Variants in MCM3 observed in about 807,000 individuals in gnomAD.
MCM3 encodes the protein minichromosome maintenance complex component 3, also known as DNA replication licensing factor MCM3.
In MCM3, 59 loss-of-function variants were observed where a neutral mutation model predicts 91.3. The ratio of observed to expected loss-of-function variants is 0.65; its 90% CI spans 0.52 to 0.80. The LOEUF (loss-of-function observed/expected upper bound fraction) is 0.80. Among genes scored for constraint, MCM3 ranks in the 30% least tolerant of loss-of-function variants. MCM3 has a pLI of 0.00. For synonymous variants in MCM3, 383 were observed against 379.6 expected (o/e 1.01, Z -0.10); for missense variants, 919 against 1,035.4 (o/e 0.89, Z 1.54).
At position 52,273,872 on chromosome 6, in the gene MCM3, G is replaced by A. The variant is rs751042948; in HGVS notation, c.1419C>T (p.Asp473=). 6.8e-6 allele frequency: 11 copies of A among 1,614,114 alleles called. No individual in the cohort carries two copies. In the South Asian group the frequency reaches 1.1e-4, roughly 16 times the overall value. The change falls in exon 10 of 17, where the codon GAC becomes GAT. Residue 473 remains aspartate (D), a synonymous_variant. Transcript: ENST00000596288. ...GCAAGTCAAATCGTGACAGCAGTGAGTCCTGTAGCCCAATGTTCTCCATTG... is the reference window on the plus strand; with the variant it reads ...GCAAGTCAAATCGTGACAGCAGTGAATCCTGTAGCCCAATGTTCTCCATTG... The part of the protein sequence containing the change: ...KTPMENIGLQ[D]SLLSRFDLLF...
chr6:52,269,965 C>G (rs983939760), intron 12 of MCM3, among the ~76,000 whole-genome samples: 1 of 152,092 alleles, frequency 6.6e-6, no homozygotes, highest in African/African-American at 2.4e-5. Context: ...GATAAGAAAG[C>G]TGACCTGACA....
intron 1 of MCM3, 131 bp downstream of exon 1, chr6:52,284,466 C>T (rs1423772733): frequency 6.7e-6 from 5 of 740,822 alleles, no homozygotes; most frequent in Non-Finnish European, 8.5e-6. Context: ...AAGATTGGGG[C>T]TGGAGGCTCG....
chr6:52,266,481 T>C (rs1764650280), intron 15 of MCM3, 130 bp downstream of exon 15: 4 of 823,700 alleles, frequency 4.9e-6, no homozygotes, highest in Non-Finnish European at 8.1e-6. Flanking sequence ...GGGACAAACC[T>C]CTTGGACATA....
In MCM3 at chr6:52,284,685, A is replaced by G; in HGVS notation, c.-11T>C. 1 of 1,605,694 alleles carries G rather than the reference A, an allele frequency of 6.2e-7. No individual in the cohort carries two copies. The highest frequency in any genetic ancestry group is 8.5e-7 in the Non-Finnish European group (1 of 1,176,844). ...CACGGTACCCGCCATGCCCGCTGCCAAAGAACTACCTCCACCAAAGTCGCG... is the reference window on the plus strand; with the variant it reads ...CACGGTACCCGCCATGCCCGCTGCCGAAGAACTACCTCCACCAAAGTCGCG... On this transcript the variant is annotated 5_prime_UTR_variant, in exon 1 of 17. Transcript: ENST00000596288.
In MCM3 at chr6:52,273,180, T is replaced by C. The variant is rs367606150; in HGVS notation, c.1676+50A>G. 2.6e-4 allele frequency: 417 copies of C among 1,611,396 alleles called. 1 individual carries two copies. Among genetic ancestry groups the C allele is most frequent in the Non-Finnish European group, 3.4e-4 (400 of 1,177,942 alleles). Reference sequence around the variant, plus strand: ...AAGCTTAGATATACACATGCTCTAATATAACACATATTTCAGGTTCCCTTG... The same window carrying C: ...AAGCTTAGATATACACATGCTCTAACATAACACATATTTCAGGTTCCCTTG... On this transcript the variant is annotated intron_variant, in intron 11 of 16. Transcript: ENST00000596288.
intron 4 of MCM3, among the ~76,000 whole-genome samples, chr6:52,281,452 G>C (rs1766087496): frequency 6.6e-6 from 1 of 152,030 alleles, no homozygotes; most frequent in Non-Finnish European, 1.5e-5. Flanking sequence ...GAAGCAGGAG[G>C]ATCACTTGAG....
At chr6:52,276,675 G>C (rs778066195) in intron 8 of MCM3, among the ~76,000 whole-genome samples, 199 bp from the exon 9 acceptor site, 5 of 151,978 alleles carry the variant, frequency 3.3e-5, no homozygotes, top group Non-Finnish European at 5.9e-5. Context: ...GTATCTCTTT[G>C]TCCCACTTTG....
At chr6:52,266,440 CT>C (rs944539645) in intron 15 of MCM3, among the ~76,000 whole-genome samples, 170 bp downstream of exon 15, 3 of 152,150 alleles carry the variant, frequency 2.0e-5, no homozygotes, top group Admixed American at 6.6e-5. Context: ...TATAGCAAAG[CT>C]TTTTCCAAAG....
In MCM3 at chr6:52,282,263, C is replaced by G; in HGVS notation, c.401-88G>C. On this transcript the variant is annotated intron_variant, in intron 3 of 16. Coordinates refer to ENST00000596288, the MANE Select transcript of MCM3 (RefSeq NM_002388.6). Reference sequence around the variant, plus strand: ...AAACATATGCAAGCCTATAATGACTCCAAATACTGTGTTTTTTTGACTAGG... The same window carrying G: ...AAACATATGCAAGCCTATAATGACTGCAAATACTGTGTTTTTTTGACTAGG... The G allele has an allele frequency of 2.5e-6, 3 of 1,198,374 alleles. No individual in the cohort carries two copies. In the South Asian group the frequency reaches 4.0e-5, roughly 16 times the overall value. The allele number at this position is 1,198,374 out of a possible 1,614,324, so 74.2% of individuals were successfully genotyped here. A position where few individuals can be genotyped will look rare whatever the true frequency, so the allele number is the denominator to read the frequency against.
In MCM3 at chr6:52,277,157, G is replaced by C. The variant is rs1765646883; in HGVS notation, c.1075C>G (p.Leu359Val). Residue 359 changes from leucine to valine, a missense_variant, in exon 8 of 17, where the codon CTT becomes GTT. Leu to Val is a conservative substitution (Grantham distance 32). This residue lies in a region of MCM3 where 233 missense variants were observed against 321.2 expected (regional missense o/e 0.73). Coordinates refer to ENST00000596288, the MANE Select transcript of MCM3 (RefSeq NM_002388.6). Reference sequence around the variant, plus strand: ...GGGATAGCTCGGGGTGCAGTGCAAAGCACATACCGCAGAAGCTGAGACTTG... The same window carrying C: ...GGGATAGCTCGGGGTGCAGTGCAAACCACATACCGCAGAAGCTGAGACTTG... The part of the protein sequence containing the change: ...VAKSQLLRYV[L>V]CTAPRAIPTT... 6.2e-7 allele frequency: 1 copy of C among 1,613,882 alleles called. No homozygotes were observed. Among genetic ancestry groups the C allele is most frequent in the Non-Finnish European group, 8.5e-7 (1 of 1,179,964 alleles).
chr6:52,269,888 G>A (rs929528443), intron 12 of MCM3, among the ~76,000 whole-genome samples: 1 of 152,194 alleles, frequency 6.6e-6, no homozygotes, highest in Non-Finnish European at 1.5e-5. Flanking sequence ...AGAAATCTCA[G>A]TGTTTAGGAC....
rs1765336121 is a variant in MCM3, at chr6:52,273,792, T to C, written c.1499A>G (p.His500Arg). 6.2e-7 allele frequency: 1 copy of C among 1,613,908 alleles called. No homozygotes were observed. The highest frequency in any genetic ancestry group is 8.5e-7 in the Non-Finnish European group (1 of 1,180,002). The change falls in exon 10 of 17, where the codon CAT becomes CGT. Residue 500 changes from histidine (H) to arginine (R), a missense_variant. His to Arg is a conservative substitution (Grantham distance 29). This residue lies in a region of MCM3 where 233 missense variants were observed against 321.2 expected (regional missense o/e 0.73). Transcript: ENST00000596288. ...DPEQDREISD[H>R]VLRMHRYRAP... ...TCTGTAACGGTGCATCCGAAGGACA[T>C]GGTCTGAGATCTCCCGATCCTGCTC...
intron 11 of MCM3, 76 bp downstream of exon 11, chr6:52,273,154 T>C: frequency 6.3e-7 from 1 of 1,582,766 alleles, no homozygotes; most frequent in African/African-American, 1.3e-5. Context: ...AGGCCTTAGC[T>C]AAGCTTAGAT....
At chr6:52,278,683 C>T (rs1765795116) in intron 6 of MCM3, 59 bp downstream of exon 6, 1 of 1,224,274 alleles carries the variant, frequency 8.2e-7, no homozygotes, top group Non-Finnish European at 1.2e-6. Flanking sequence ...TAGCCATGCA[C>T]CAAAACACAA....
Position 52,279,376 on chromosome 6 carries a change from G to A in MCM3, c.755C>T (p.Thr252Ile), listed in dbSNP as rs1423489264. The change falls in exon 5 of 17, where the codon ACC becomes ATC. Residue 252 changes from threonine to isoleucine, a missense_variant. Physicochemically the swap from Thr to Ile is moderately conservative, Grantham distance 89 (BLOSUM62 -1). This residue lies in a region of MCM3 where 401 missense variants were observed against 402.7 expected (regional missense o/e 1.00). Coordinates refer to ENST00000596288, the MANE Select transcript of MCM3 (RefSeq NM_002388.6). ...GACCCTTTACCTGAAGGTCCCAGAG[G>A]TGTAGCCTCCCTTCTTTCCAGGAAG... ...RCLPGKKGGY[T>I]SGTFRTVLIA... 1.2e-6 allele frequency: 2 copies of A among 1,613,786 alleles called. No individual in the cohort carries two copies. The highest frequency in any genetic ancestry group is 2.2e-5 in the East Asian group (1 of 44,890).
At chr6:52,275,293 G>T (rs1329897189) in intron 9 of MCM3, among the ~76,000 whole-genome samples, 1 of 152,228 alleles carries the variant, frequency 6.6e-6, no homozygotes, top group South Asian at 2.1e-4. Flanking sequence ...CACAGCATGA[G>T]CTCTGGGCTC....
At position 52,276,467 on chromosome 6, in the gene MCM3, C is replaced by T. The variant is rs779714442; in HGVS notation, c.1175G>A (p.Arg392His). ...VTTDQETGER[R>H]LEAGAMVLAD... ...CAGGACCATGGCCCCTGCTTCCAGA[C>T]GGCGCTCTCCTGGGAAGTGAGAAGG... Residue 392 changes from arginine (R) to histidine (H), a missense_variant, in exon 9 of 17, where the codon CGT becomes CAT. Arg to His is a conservative substitution (Grantham distance 29). Transcript: ENST00000596288. The T allele has an allele frequency of 2.4e-5, 38 of 1,613,950 alleles. No individual in the cohort carries two copies. The South Asian group carries it at 2.6e-4, about 11-fold the overall frequency.
chr6:52,265,367 A>C, intron 16 of MCM3: 1 of 346,542 alleles, frequency 2.9e-6, no homozygotes. Context: ...AGCCTGGGCA[A>C]CATGGTGAGA....
chr6:52,268,693 T>G (rs949061099), intron 13 of MCM3, among the ~76,000 whole-genome samples: 1 of 152,118 alleles, frequency 6.6e-6, no homozygotes, highest in African/African-American at 2.4e-5. Context: ...AATGGGACAT[T>G]TGAAGAGACT....
Sources: gnomAD v4.1 joint callset for allele counts (sites outside exome capture counted in the v4.1 genomes callset) on GRCh38, gnomAD v4.1.1 for gene constraint, gnomAD v4.1.1 regional missense constraint, MANE v1.5 for transcripts, NCBI Gene and HGNC (gene_info 2026-07-23, HGNC 2026-07-21) for gene names.